PRKCG: variants seen among roughly 807,000 people sequenced by gnomAD.
PRKCG encodes protein kinase C gamma type.
A neutral mutation model predicts 82.0 loss-of-function variants in PRKCG; 28 were observed. The observed-to-expected ratio is 0.34, with a 90% CI of 0.25 to 0.47. The LOEUF is 0.47. Among genes scored for constraint, PRKCG ranks in the 20% least tolerant of loss-of-function variants. The pLI is 1.00. For missense variants in PRKCG, 640 were observed against 952.7 expected, an observed-to-expected ratio of 0.67 and a Z score of 4.32; for synonymous variants, 383 against 376.6, an observed-to-expected ratio of 1.02 and a Z score of -0.20.
At chr19:53,891,189 T>A (rs1343686702) in intron 5 of PRKCG, among the ~76,000 whole-genome samples, 2 of 152,030 alleles carry the variant, frequency 1.3e-5, no homozygotes, top group African/African-American at 4.8e-5. Context: ...GATTTCAGGG[T>A]CACTGGTTGC....
chr19:53,895,526 A>G (rs1239080744), intron 9 of PRKCG, among the ~76,000 whole-genome samples: 1 of 151,546 alleles, frequency 6.6e-6, no homozygotes, highest in Non-Finnish European at 1.5e-5. Flanking sequence ...AGAATCTTCA[A>G]GATTCAACAA....
intron 16 of PRKCG, 79 bp from the exon 17 acceptor site, chr19:53,906,238 C>T (rs778481897): frequency 1.2e-4 from 184 of 1,535,736 alleles, no homozygotes; most frequent in Non-Finnish European, 1.5e-4. Flanking sequence ...ATCTGCCTGT[C>T]TCTGTCCCTC....
chr19:53,901,401 G>A (rs1439027902), intron 14 of PRKCG, among the ~76,000 whole-genome samples: 16 of 151,266 alleles, frequency 1.1e-4, no homozygotes, highest in African/African-American at 3.6e-4. Flanking sequence ...CAAATTAGCC[G>A]GGCGTGGTGG....
Position 53,882,345 on chromosome 19 carries a change from G to A in PRKCG, c.-150G>A, listed in dbSNP as rs756908303. The A allele has an allele frequency of 8.4e-6, 10 of 1,188,106 alleles. No individual in the cohort carries two copies. The highest frequency in any genetic ancestry group is 1.6e-5 in the African/African-American group (1 of 62,144). 73.6% of individuals were successfully genotyped at this position (1,188,106 alleles called of 1,614,324 possible). The stretch of plus-strand genomic sequence containing the variant: ...CGGGGTGCCGCTCCCTGCCTGGCGC[G>A]CTCCGCACCTGGAGGTGCCTTGCCC... On this transcript the variant is annotated 5_prime_UTR_variant, in exon 1 of 18. Transcript: ENST00000263431. This position sits in a 1 kb window ranked among gnomAD's most constrained non-coding sequence, Gnocchi z 6.1.
chr19:53,883,051 C>T lies in PRKCG; in HGVS notation c.171-112C>T, dbSNP rs937884723. 38 of 1,398,928 alleles carry T rather than the reference C, an allele frequency of 2.7e-5. No homozygotes were observed. Among genetic ancestry groups the T allele is most frequent in the Non-Finnish European group, 3.5e-5 (35 of 986,834 alleles). 86.7% of individuals were successfully genotyped at this position (1,398,928 alleles called of 1,614,324 possible). A position where few individuals can be genotyped will look rare whatever the true frequency, so the allele number is the denominator to read the frequency against. On this transcript the variant is annotated intron_variant, in intron 1 of 17. Coordinates refer to ENST00000263431, the MANE Select transcript of PRKCG (RefSeq NM_002739.5). The surrounding 1 kb of genome is among the most constrained non-coding windows in gnomAD (Gnocchi z 5.4). ...AAAGAGGAGGTGGCCGGGGCTTGGA[C>T]ACCTGGGCCCTGCGGGAGGAGGGTC...
Position 53,884,102 on chromosome 19 carries a change from G to A in PRKCG, c.203-59G>A, listed in dbSNP as rs2068613890. The A allele has an allele frequency of 1.3e-6, 2 of 1,535,944 alleles. No individual in the cohort carries two copies. The highest frequency in any genetic ancestry group is 1.8e-6 in the Non-Finnish European group (2 of 1,110,270). On this transcript the variant is annotated intron_variant, in intron 2 of 17. Transcript: ENST00000263431. The surrounding 1 kb of genome is among the most constrained non-coding windows in gnomAD (Gnocchi z 4.6). The stretch of plus-strand genomic sequence containing the variant: ...TCTCTTTCCAATTTTCTGTCTGCTG[G>A]GGTCTCCCGCTGGACTAATCCATGC...
chr19:53,882,573 C>T lies in PRKCG; in HGVS notation c.79C>T (p.Gln27Ter). ...PLFCRKGALR[Q>*]KVVHEVKSHK... ...GTTTTGCAGAAAGGGGGCCCTGAGGCAGAAGGTGGTCCACGAAGTCAAGAG... is the reference window on the plus strand; with the variant it reads ...GTTTTGCAGAAAGGGGGCCCTGAGGTAGAAGGTGGTCCACGAAGTCAAGAG... Residue 27 changes from glutamine to a stop codon, truncating the protein, a stop_gained, in exon 1 of 18, where the codon CAG becomes TAG. Coordinates refer to ENST00000263431, the MANE Select transcript of PRKCG (RefSeq NM_002739.5). LOFTEE classifies it high-confidence loss of function. This position sits in a 1 kb window ranked among gnomAD's most constrained non-coding sequence, Gnocchi z 6.1. 1.9e-6 allele frequency: 3 copies of T among 1,614,066 alleles called. No homozygotes were observed. The highest frequency in any genetic ancestry group is 2.5e-6 in the Non-Finnish European group (3 of 1,179,984).
chr19:53,883,906 C>CTCTG lies in PRKCG; in HGVS notation c.203-253_203-250dup, dbSNP rs1429529440. 6.6e-6 allele frequency among the ~76,000 whole-genome samples: 1 copy of CTCTG among 152,156 alleles called. No homozygotes were observed. The highest frequency in any genetic ancestry group is 1.5e-5 in the Non-Finnish European group (1 of 68,038). On this transcript the variant is annotated intron_variant, in intron 2 of 17. Coordinates refer to ENST00000263431, the MANE Select transcript of PRKCG (RefSeq NM_002739.5). This position sits in a 1 kb window ranked among gnomAD's most constrained non-coding sequence, Gnocchi z 5.4. ...TCTTTTTCCATCTCCCTTCCCTGAGCTCTGTGCTCTGTGTCTCTCTGTAAG... is the reference window on the plus strand; with the variant it reads ...TCTTTTTCCATCTCCCTTCCCTGAGCTCTGTCTGTGCTCTGTGTCTCTCTGTAAG...
intron 16 of PRKCG, 48 bp downstream of exon 16, chr19:53,904,790 C>A (rs770416678): frequency 1.4e-6 from 2 of 1,444,894 alleles, no homozygotes; most frequent in African/African-American, 1.4e-5. Context: ...AACCACACAC[C>A]CCATTGCTGT....
Position 53,889,547 on chromosome 19 carries a change from G to A in PRKCG, c.286-91G>A. The A allele has an allele frequency of 1.1e-6, 1 of 926,906 alleles. No homozygotes were observed. The highest frequency in any genetic ancestry group is 1.7e-6 in the Non-Finnish European group (1 of 572,846). 57.4% of individuals were successfully genotyped at this position (926,906 alleles called of 1,614,324 possible). ...AGATGGAGCCTCAGGCTGACCTAGAGAGCAAGGCAGGAGGAAAAGATAAAA... is the reference window on the plus strand; with the variant it reads ...AGATGGAGCCTCAGGCTGACCTAGAAAGCAAGGCAGGAGGAAAAGATAAAA... On this transcript the variant is annotated intron_variant, in intron 3 of 17. Transcript: ENST00000263431. The surrounding 1 kb of genome is among the most constrained non-coding windows in gnomAD (Gnocchi z 4.4).
intron 9 of PRKCG, among the ~76,000 whole-genome samples, chr19:53,896,459 G>A (rs978222956): frequency 4.0e-5 from 6 of 151,190 alleles, no homozygotes; most frequent in Non-Finnish European, 7.4e-5. Flanking sequence ...TCGCTCTGTC[G>A]CCCAGGCTGG....
In PRKCG at chr19:53,887,926, G is replaced by A. The variant is rs147464329; in HGVS notation, c.286-1712G>A. Among the ~76,000 whole-genome samples the A allele has an allele frequency of 4.2e-3, 645 of 152,224 alleles. 3 individuals are homozygous for A. The highest frequency in any genetic ancestry group is 0.015 in the African/African-American group (614 of 41,540). On this transcript the variant is annotated intron_variant, in intron 3 of 17. Transcript: ENST00000263431. The stretch of plus-strand genomic sequence containing the variant: ...GGGCACATGCCCCCACTTTTCAAGC[G>A]GTAAATCTGAGGCTTTGAAAAGGGG...
chr19:53,882,368 C>T lies in PRKCG; in HGVS notation c.-127C>T, dbSNP rs1334621754. 2.9e-6 allele frequency: 4 copies of T among 1,402,580 alleles called. No individual in the cohort carries two copies. Among genetic ancestry groups the T allele is most frequent in the Admixed American group, 2.2e-5 (1 of 45,748 alleles). 86.9% of individuals were successfully genotyped at this position (1,402,580 alleles called of 1,614,324 possible). A position where few individuals can be genotyped will look rare whatever the true frequency, so the allele number is the denominator to read the frequency against. ...GCGCTCCGCACCTGGAGGTGCCTTGCCCCTCTCCTGCCCACCTCGGAATTT... is the reference window on the plus strand; with the variant it reads ...GCGCTCCGCACCTGGAGGTGCCTTGTCCCTCTCCTGCCCACCTCGGAATTT... On this transcript the variant is annotated 5_prime_UTR_variant, in exon 1 of 18. Transcript: ENST00000263431. This position sits in a 1 kb window ranked among gnomAD's most constrained non-coding sequence, Gnocchi z 6.1.
Position 53,884,465 on chromosome 19 carries a change from C to A in PRKCG, c.285+222C>A, listed in dbSNP as rs145829355. On this transcript the variant is annotated intron_variant, in intron 3 of 17. Coordinates refer to ENST00000263431, the MANE Select transcript of PRKCG (RefSeq NM_002739.5). The surrounding 1 kb of genome is among the most constrained non-coding windows in gnomAD (Gnocchi z 4.6). ...ACACGGGTGGGGCACAGAGAGGAGGCCGGGGTGAGGAGACTGAAGATGGGT... is the reference window on the plus strand; with the variant it reads ...ACACGGGTGGGGCACAGAGAGGAGGACGGGGTGAGGAGACTGAAGATGGGT... Among the ~76,000 whole-genome samples the A allele has an allele frequency of 7.8e-3, 1,182 of 151,970 alleles. 9 individuals are homozygous for A. The highest frequency in any genetic ancestry group is 0.026 in the African/African-American group (1,086 of 41,424).
rs370599167 is a variant in PRKCG at position 53,906,689 on chromosome 19, C to A, written c.1906-18C>A. On this transcript the variant is annotated intron_variant, in intron 17 of 17. Transcript: ENST00000263431. ...CCCTCGGAGCTGCTTAACTTTCCCT[C>A]CCCCACGTCTCCCACAGTGTGGCCG... The A allele has an allele frequency of 5.6e-6, 9 of 1,611,678 alleles. No individual in the cohort carries two copies. In the African/African-American group the frequency reaches 1.2e-4, roughly 22 times the overall value.
chr19:53,889,811 C>A lies in PRKCG; in HGVS notation c.397+62C>A. On this transcript the variant is annotated intron_variant, in intron 4 of 17. Coordinates refer to ENST00000263431, the MANE Select transcript of PRKCG (RefSeq NM_002739.5). This position sits in a 1 kb window ranked among gnomAD's most constrained non-coding sequence, Gnocchi z 4.4. Reference sequence around the variant, plus strand: ...CGCCCGGTCTGGGTTCCGGGAAATGCCCGGGATGGGGTGGGGGGTGGAGTC... The same window carrying A: ...CGCCCGGTCTGGGTTCCGGGAAATGACCGGGATGGGGTGGGGGGTGGAGTC... 1.3e-6 allele frequency: 2 copies of A among 1,584,528 alleles called. No homozygotes were observed. The highest frequency in any genetic ancestry group is 2.3e-5 in the South Asian group (2 of 87,728).
chr19:53,905,998 T>TC (rs1271335823), intron 16 of PRKCG, among the ~76,000 whole-genome samples: 18 of 118,006 alleles, frequency 1.5e-4, no homozygotes, highest in African/African-American at 7.9e-4. Context: ...CCTCTCTGTC[T>TC]CTCTCTGTCT....
At position 53,882,241 on chromosome 19, in the gene PRKCG, C is replaced by A. The variant is rs1478418119; in HGVS notation, c.-254C>A. 1 of 542,550 alleles carries A rather than the reference C, an allele frequency of 1.8e-6. No homozygotes were observed. The highest frequency in any genetic ancestry group is 3.3e-6 in the Non-Finnish European group (1 of 299,050). 33.6% of individuals were successfully genotyped at this position (542,550 alleles called of 1,614,324 possible). A position where few individuals can be genotyped will look rare whatever the true frequency, so the allele number is the denominator to read the frequency against. ...AGCTGGAGCTCCCACCGCCGCCGCC[C>A]GTGCCTCCGGCTGCCGGCGCCCCTG... On this transcript the variant is annotated 5_prime_UTR_variant, in exon 1 of 18. Coordinates refer to ENST00000263431, the MANE Select transcript of PRKCG (RefSeq NM_002739.5). The surrounding 1 kb of genome is among the most constrained non-coding windows in gnomAD (Gnocchi z 6.1).
In PRKCG at chr19:53,883,032, G is replaced by A; in HGVS notation, c.171-131G>A. ...CAAAATTTCTGGGTTCTAGAAAGAG[G>A]AGGTGGCCGGGGCTTGGACACCTGG... On this transcript the variant is annotated intron_variant, in intron 1 of 17. Coordinates refer to ENST00000263431, the MANE Select transcript of PRKCG (RefSeq NM_002739.5). The surrounding 1 kb of genome is among the most constrained non-coding windows in gnomAD (Gnocchi z 5.4). 1 of 1,189,866 alleles carries A rather than the reference G, an allele frequency of 8.4e-7. No individual in the cohort carries two copies. Among genetic ancestry groups the A allele is most frequent in the Non-Finnish European group, 1.2e-6 (1 of 801,040 alleles). The allele number at this position is 1,189,866 out of a possible 1,614,324, so 73.7% of individuals were successfully genotyped here.
Sources: allele counts gnomAD v4.1 joint callset (sites outside exome capture counted in the v4.1 genomes callset), GRCh38; gene constraint gnomAD v4.1.1; non-coding constraint Gnocchi (gnomAD v3.1); transcripts MANE v1.5; gene names NCBI Gene and HGNC (gene_info 2026-07-23, HGNC 2026-07-21).